DPP7: variants seen among roughly 807,000 people sequenced by gnomAD.
DPP7 encodes dipeptidyl peptidase 7.
Under a neutral mutation model 58.8 loss-of-function variants are expected in DPP7, and 74 were observed. The observed-to-expected ratio is 1.26, with a 90% CI of 1.04 to 1.53. DPP7 has a LOEUF of 1.53. Among genes scored for constraint, DPP7 ranks in the 40% most tolerant of loss-of-function variants. The probability of loss-of-function intolerance (pLI) is 0.00; values close to 1 mark genes in which losing one functional copy is unlikely to be tolerated. For synonymous variants in DPP7, 350 were observed against 303.6 expected (o/e 1.15, Z -1.59); for missense variants, 807 against 692.3 (o/e 1.17, Z -1.86).
chr9:137,114,006 G>A lies in DPP7; in HGVS notation c.344C>T (p.Pro115Leu). Residue 115 changes from proline (P) to leucine (L), a missense_variant, in exon 4 of 13, where the codon CCG (proline) becomes CTG (leucine). Pro to Leu is a moderately conservative substitution (Grantham distance 98). Coordinates refer to ENST00000371579, the MANE Select transcript of DPP7 (RefSeq NM_013379.3). ...GCGCTGCGTGGACTGCGCACCGAAC[G>A]GCAGCGACTTCCCGTAGTAGCGCTG... The part of the protein sequence containing the change: ...AEHRYYGKSL[P>L]FGAQSTQRGH... 1.3e-6 allele frequency: 2 copies of A among 1,521,356 alleles called. No homozygotes were observed. Among genetic ancestry groups the A allele is most frequent in the South Asian group, 1.2e-5 (1 of 82,346 alleles). 94.2% of individuals were successfully genotyped at this position (1,521,356 alleles called of 1,614,324 possible).
In DPP7 at chr9:137,114,035, G is replaced by A. The variant is rs1588667659; in HGVS notation, c.322-7C>T. 2.8e-6 allele frequency: 4 copies of A among 1,446,038 alleles called. No individual in the cohort carries two copies. The highest frequency in any genetic ancestry group is 5.4e-5 in the East Asian group (2 of 36,868). 89.6% of individuals were successfully genotyped at this position (1,446,038 alleles called of 1,614,324 possible). On this transcript the variant is annotated splice_region_variant and splice_polypyrimidine_tract_variant and intron_variant, in intron 3 of 12. Coordinates refer to ENST00000371579, the MANE Select transcript of DPP7 (RefSeq NM_013379.3). ...GCGACTTCCCGTAGTAGCGCTGGGG[G>A]AACGTGCCATTGAGCCCGGCCCCGC...
At chr9:137,117,941 GCT>G (rs1166363584), upstream of DPP7, among the ~76,000 whole-genome samples, 2 of 151,714 alleles carry the variant, frequency 1.3e-5, no homozygotes, top group Admixed American at 1.3e-4. Context: ...TGTCTCTGTG[GCT>G]CTGCTGACTC....
In DPP7 at chr9:137,113,772, C is replaced by T. The variant is rs966049938; in HGVS notation, c.485+93G>A. The T allele has an allele frequency of 1.3e-5, 16 of 1,200,174 alleles. No homozygotes were observed. The African/African-American group carries it at 2.5e-4, about 19-fold the overall frequency. The allele number at this position is 1,200,174 out of a possible 1,614,324, so 74.3% of individuals were successfully genotyped here. A position where few individuals can be genotyped will look rare whatever the true frequency, so the allele number is the denominator to read the frequency against. ...TGCCTGAGGCCTTACGAAAAGGCAG[C>T]GGTGGGAGTCAGAGGGGAGTGGGGA... On this transcript the variant is annotated intron_variant, in intron 4 of 12. Transcript: ENST00000371579.
intron 3 of DPP7, 106 bp from the exon 4 acceptor site, chr9:137,114,134 C>G (rs1272787216): frequency 3.5e-5 from 6 of 170,864 alleles, no homozygotes; most frequent in African/African-American, 1.3e-4. Context: ...CCCCGCGACC[C>G]CCGCCCGCGA....
upstream of DPP7, among the ~76,000 whole-genome samples, chr9:137,117,834 A>C (rs1831666760): frequency 6.6e-6 from 1 of 152,096 alleles, no homozygotes; most frequent in Non-Finnish European, 1.5e-5. Flanking sequence ...AACGCTGTGC[A>C]CCGTCATCAC....
At position 137,113,069 on chromosome 9, in the gene DPP7, C is replaced by A; in HGVS notation, c.754G>T (p.Glu252Ter). Residue 252 changes from glutamate to a stop codon, truncating the protein, a stop_gained, in exon 7 of 13, where the codon GAG (glutamate) becomes TAG (stop). Coordinates refer to ENST00000371579, the MANE Select transcript of DPP7 (RefSeq NM_013379.3). LOFTEE classifies it high-confidence loss of function. ...ATGAAGAGCTGGGTCAGGTCCTTCT[C>A]GTCTGACAGCGGCTGGCAGGTGCCG... ...EFGTCQPLSD[E>*]KDLTQLFMFA... The A allele has an allele frequency of 6.2e-7, 1 of 1,613,906 alleles. No individual in the cohort carries two copies. Among genetic ancestry groups the A allele is most frequent in the Non-Finnish European group, 8.5e-7 (1 of 1,180,028 alleles).
At position 137,110,671 on chromosome 9, in the gene DPP7, C is replaced by CG. The variant is rs1831311747; in HGVS notation, c.1455_1456insC (p.Gly486ArgfsTer?). ...GCTCAGAGGCTGAGTCTGGGCCCCCCACGCAGAGCTGGCTGCTGCTCACGC... is the reference window on the plus strand; with the variant it reads ...GCTCAGAGGCTGAGTCTGGGCCCCCCGACGCAGAGCTGGCTGCTGCTCACGC... On this transcript the variant is annotated frameshift_variant, in exon 13 of 13. Transcript: ENST00000371579. LOFTEE classifies it low-confidence loss of function (END_TRUNC). 6.2e-7 allele frequency: 1 copy of CG among 1,609,988 alleles called. No individual in the cohort carries two copies. The highest frequency in any genetic ancestry group is 1.3e-5 in the African/African-American group (1 of 74,976).
intron 5 of DPP7, 29 bp downstream of exon 5, chr9:137,113,332 G>T (rs2131152644): frequency 6.2e-7 from 1 of 1,612,916 alleles, no homozygotes; most frequent in African/African-American, 1.3e-5. Flanking sequence ...GTCCCTTAGG[G>T]GGCCTGGAGG....
At position 137,114,302 on chromosome 9, in the gene DPP7, AGTT is replaced by A. The variant is rs1831538019; in HGVS notation, c.259_261del (p.Asn87del). 1 of 1,605,068 alleles carries A rather than the reference AGTT, an allele frequency of 6.2e-7. No homozygotes were observed. Among genetic ancestry groups the A allele is most frequent in the Non-Finnish European group, 8.5e-7 (1 of 1,176,622 alleles). On this transcript the variant is annotated inframe_deletion, in exon 3 of 13. Transcript: ENST00000371579. ...GCCGCCAGCTCCGCGACGAAGGCCG[AGTT>A]GTTGGCGAAGGCCCACACGTCGCCC...
Position 137,110,645 on chromosome 9 carries a change from T to G in DPP7, c.*3A>C, listed in dbSNP as rs777851739. ...GAGCCTTGAGACCCCTCCAGTCCTG[T>G]GCTCAGAGGCTGAGTCTGGGCCCCC... On this transcript the variant is annotated 3_prime_UTR_variant, in exon 13 of 13. Transcript: ENST00000371579. 1.9e-6 allele frequency: 3 copies of G among 1,609,624 alleles called. No individual in the cohort carries two copies. Among genetic ancestry groups the G allele is most frequent in the Non-Finnish European group, 1.7e-6 (2 of 1,179,852 alleles).
At position 137,113,119 on chromosome 9, in the gene DPP7, G is replaced by A. The variant is rs761856167; in HGVS notation, c.704C>T (p.Ala235Val). 9 of 1,613,644 alleles carry A rather than the reference G, an allele frequency of 5.6e-6. No individual in the cohort carries two copies. The South Asian group carries it at 8.8e-5, about 16-fold the overall frequency. The change falls in exon 7 of 13, where the codon GCC becomes GTC. Residue 235 changes from alanine to valine, a missense_variant and splice_region_variant. Transcript: ENST00000371579. Reference protein sequence around the residue: ...RQIKDLFLQGAYDTVRWEFGT... With the variant: ...RQIKDLFLQGVYDTVRWEFGT... ...GAACTCCCAGCGGACCGTGTCGTAG[G>A]CTGCGTGGAAGGGGCAGAGACTTGA...
chr9:137,115,405 A>G (rs1469972418), upstream of DPP7, among the ~76,000 whole-genome samples: 3 of 152,104 alleles, frequency 2.0e-5, no homozygotes, highest in African/African-American at 7.2e-5. Context: ...CACCCAGAGG[A>G]TGGAAGAAGT....
Position 137,110,685 on chromosome 9 carries a change from T to C in DPP7, c.1442A>G (p.Gln481Arg), listed in dbSNP as rs1228640796. The change falls in exon 13 of 13, where the codon CAG becomes CGG. Residue 481 changes from glutamine to arginine, a missense_variant. Gln to Arg is a conservative substitution (Grantham distance 43). Around this residue, in one of 3 missense-constraint regions of DPP7, gnomAD observed 624 missense variants for 531.2 expected, o/e 1.17. Transcript: ENST00000371579. ...TCTGGGCCCCCCACGCAGAGCTGGC[T>C]GCTGCTCACGCCTGGCTGCCTTTAC... ...EWVKAARREQ[Q>R]PALRGGPRLS... The C allele has an allele frequency of 6.2e-7, 1 of 1,609,432 alleles. No individual in the cohort carries two copies. Among genetic ancestry groups the C allele is most frequent in the African/African-American group, 1.3e-5 (1 of 74,848 alleles).
upstream of DPP7, among the ~76,000 whole-genome samples, chr9:137,115,876 G>A (rs963389224): frequency 6.6e-5 from 10 of 152,144 alleles, no homozygotes; most frequent in East Asian, 1.9e-4. Context: ...CGGGGCCCCC[G>A]CAGGACGGGG....
At position 137,110,852 on chromosome 9, in the gene DPP7, ACCACCGCCAGG is replaced by A. The variant is rs1442398403; in HGVS notation, c.1343+17_1343+27del. ...GTGAGCCTGTCCCGCCCGACCCGCG[ACCACCGCCAGG>A]CCACCTCCCTCCGCACCTGAGGTCG... On this transcript the variant is annotated intron_variant, in intron 12 of 12. Coordinates refer to ENST00000371579, the MANE Select transcript of DPP7 (RefSeq NM_013379.3). 1.9e-6 allele frequency: 3 copies of A among 1,606,604 alleles called. No homozygotes were observed. The highest frequency in any genetic ancestry group is 2.5e-6 in the Non-Finnish European group (3 of 1,178,856).
In DPP7 at chr9:137,114,329, C is replaced by T. The variant is rs541974707; in HGVS notation, c.235G>A (p.Gly79Ser). Residue 79 changes from glycine (G) to serine (S), a missense_variant, in exon 3 of 13, where the codon GGC (glycine) becomes AGC (serine). Physicochemically the swap from Gly to Ser is moderately conservative, Grantham distance 56 (BLOSUM62 0). This residue lies in a region of DPP7 where 168 missense variants were observed against 124.1 expected (regional missense o/e 1.35). Coordinates refer to ENST00000371579, the MANE Select transcript of DPP7 (RefSeq NM_013379.3). ...TTGTTGGCGAAGGCCCACACGTCGC[C>T]CTCGTTCCCAGTGTAGAAGAAGATG... ...GPIFFYTGNE[G>S]DVWAFANNSA... The T allele has an allele frequency of 8.7e-6, 14 of 1,606,408 alleles. No individual in the cohort carries two copies. The African/African-American group carries it at 1.8e-4, about 20-fold the overall frequency.
At position 137,111,923 on chromosome 9, in the gene DPP7, C is replaced by T; in HGVS notation, c.1157G>A (p.Trp386Ter). Residue 386 changes from tryptophan (W) to a stop codon, truncating the protein, a stop_gained, in exon 10 of 13, where the codon TGG becomes TAG. Coordinates refer to ENST00000371579, the MANE Select transcript of DPP7 (RefSeq NM_013379.3). LOFTEE classifies it high-confidence loss of function. The stretch of plus-strand genomic sequence containing the variant: ...CCAGTCGGGCCGGGGCCACACGCCC[C>T]AGGTGTCCAGGCAGTACCGCTGGCG... ...ELRQRYCLDT[W>*]GVWPRPDWLL... The T allele has an allele frequency of 6.2e-7, 1 of 1,613,506 alleles. No individual in the cohort carries two copies. The highest frequency in any genetic ancestry group is 8.5e-7 in the Non-Finnish European group (1 of 1,179,812).
chr9:137,111,912 G>A lies in DPP7; in HGVS notation c.1168C>T (p.Pro390Ser). The change falls in exon 10 of 13, where the codon CCC becomes TCC. Residue 390 changes from proline (P) to serine (S), a missense_variant. By Grantham distance (74) the Pro-to-Ser change is moderately conservative. Coordinates refer to ENST00000371579, the MANE Select transcript of DPP7 (RefSeq NM_013379.3). ...CTGGTCAGCAGCCAGTCGGGCCGGG[G>A]CCACACGCCCCAGGTGTCCAGGCAG... ...RYCLDTWGVW[P>S]RPDWLLTSFW... is the part of the protein sequence containing the mutation. The A allele has an allele frequency of 6.2e-7, 1 of 1,613,254 alleles. No individual in the cohort carries two copies. Among genetic ancestry groups the A allele is most frequent in the Non-Finnish European group, 8.5e-7 (1 of 1,179,758 alleles).
chr9:137,112,332 G>C, intron 8 of DPP7, 102 bp from the exon 9 acceptor site: 1 of 991,374 alleles, frequency 1.0e-6, no homozygotes, highest in South Asian at 1.6e-5. Context: ...AGGGGATCTG[G>C]GGCTCTGGGA....
Sources: gnomAD v4.1 joint callset for allele counts (sites outside exome capture counted in the v4.1 genomes callset) on GRCh38, gnomAD v4.1.1 for gene constraint, gnomAD v4.1.1 regional missense constraint, MANE v1.5 for transcripts, NCBI Gene and HGNC (gene_info 2026-07-23, HGNC 2026-07-21) for gene names.